The following RBFOX1 variants were observed in gnomAD, a reference collection of about 807,000 sequenced individuals.
RBFOX1 encodes the protein RNA binding fox-1 homolog 1.
A neutral mutation model predicts 57.7 loss-of-function variants in RBFOX1; 8 were observed. The observed-to-expected ratio is 0.14, with a 90% confidence interval of 0.08 to 0.25. RBFOX1 has a LOEUF of 0.25. RBFOX1 is among the 10% of genes least tolerant of loss of function. RBFOX1 has a pLI of 1.00. For missense variants in RBFOX1, 611 were observed against 548.5 expected (o/e 1.11, Z -1.14); for synonymous variants, 326 against 222.4 (o/e 1.47, Z -4.15).
chr16:7,512,812 C>G (rs185719173), intron 4 of RBFOX1, among the ~76,000 whole-genome samples: 2 of 152,302 alleles, frequency 1.3e-5, no homozygotes, highest in African/African-American at 4.8e-5. Context: ...GGCTGCTGCC[C>G]CACTCCTTTC....
chr16:6,878,923 A>T (rs1168740080), intron 3 of RBFOX1, among the ~76,000 whole-genome samples: 4 of 152,032 alleles, frequency 2.6e-5, no homozygotes, highest in African/African-American at 9.7e-5. Flanking sequence ...AAAGGGTAGG[A>T]TTTTTTTTCC....
chr16:6,943,382 TAGAC>T (rs1263208850), intron 3 of RBFOX1, among the ~76,000 whole-genome samples: 5 of 152,156 alleles, frequency 3.3e-5, no homozygotes, highest in Admixed American at 2.0e-4. Flanking sequence ...GCTAGCTTAA[TAGAC>T]AGACAAGACT....
intron 4 of RBFOX1, among the ~76,000 whole-genome samples, chr16:5,894,002 C>T (rs539612523): frequency 8.5e-4 from 130 of 152,164 alleles, no homozygotes; most frequent in Admixed American, 1.6e-3. Context: ...GGAATCAAGG[C>T]TGAAAGCTGG....
intron 7 of RBFOX1, among the ~76,000 whole-genome samples, chr16:7,589,911 G>GC (rs2094346249): frequency 1.7e-5 from 2 of 119,766 alleles, no homozygotes; most frequent in East Asian, 2.3e-4. Flanking sequence ...TGTGTGTGCT[G>GC]GGTGTGTGTG....
chr16:7,500,750 C>G (rs1371658244), intron 4 of RBFOX1, among the ~76,000 whole-genome samples: 2 of 152,176 alleles, frequency 1.3e-5, no homozygotes, highest in Middle Eastern at 3.2e-3. Context: ...TTTAAATGCT[C>G]CCAATAACCT....
intron 3 of RBFOX1, among the ~76,000 whole-genome samples, chr16:6,819,775 A>G (rs1447180840): frequency 6.6e-6 from 1 of 150,968 alleles, no homozygotes; most frequent in Non-Finnish European, 1.5e-5. Context: ...ATTAAAATCT[A>G]TTTCAAAGAA....
At chr16:6,285,932 C>G (rs969773166) in intron 1 of RBFOX1, among the ~76,000 whole-genome samples, 1 of 152,274 alleles carries the variant, frequency 6.6e-6, no homozygotes, top group Middle Eastern at 3.4e-3. Context: ...ATTGAGGCTT[C>G]TTGTGTAAAA....
chr16:7,090,750 A>G (rs1000709438), intron 4 of RBFOX1, among the ~76,000 whole-genome samples: 2 of 152,184 alleles, frequency 1.3e-5, no homozygotes, highest in African/African-American at 4.8e-5. Flanking sequence ...AAACTTGGCC[A>G]CGGTAGGAGG....
At chr16:6,488,653 A>G (rs2095558576) in intron 2 of RBFOX1, among the ~76,000 whole-genome samples, 1 of 152,202 alleles carries the variant, frequency 6.6e-6, no homozygotes, top group African/African-American at 2.4e-5. Flanking sequence ...AGAATTTAGC[A>G]TTTAGAATCT....
At chr16:7,217,359 G>A (rs1603295881) in intron 4 of RBFOX1, among the ~76,000 whole-genome samples, 1 of 129,038 alleles carries the variant, frequency 7.7e-6, no homozygotes, top group African/African-American at 3.0e-5. Context: ...TTGAACTCCT[G>A]ACCTTAGGTG....
Position 5,322,701 on chromosome 16 carries a change from C to T in RBFOX1, c.219+82596C>T, listed in dbSNP as rs1236105190. The stretch of plus-strand genomic sequence containing the variant: ...TTCCTATGACACCTCCCCCAGTAAT[C>T]TCCTTATGAGTCATGCGACTTCTAA... On this transcript the variant is annotated intron_variant, in intron 1 of 2. Transcript: ENST00000585867. Among the ~76,000 whole-genome samples, 3 of 152,304 alleles carry T rather than the reference C, an allele frequency of 2.0e-5. No individual in the cohort carries two copies. In the East Asian group the frequency reaches 5.8e-4, roughly 29 times the overall value.
chr16:5,249,392 G>A (rs901599189), intron 1 of RBFOX1, among the ~76,000 whole-genome samples: 1 of 152,214 alleles, frequency 6.6e-6, no homozygotes, highest in Non-Finnish European at 1.5e-5. Context: ...AGTCTCTGGG[G>A]AGGAAGACTC....
At position 7,291,234 on chromosome 16, in the gene RBFOX1, C is replaced by A. The variant is rs575248128; in HGVS notation, c.28-226913C>A. Among the ~76,000 whole-genome samples the A allele has an allele frequency of 4.5e-4, 69 of 152,260 alleles. No individual in the cohort carries two copies. The South Asian group carries it at 0.014, about 31-fold the overall frequency. On this transcript the variant is annotated intron_variant, in intron 4 of 15. Transcript: ENST00000550418. Reference sequence around the variant, plus strand: ...GCATTCAATACTGTGCCCTAACCAGCTGAAGGGGTCATTGATGCCCTTTGA... The same window carrying A: ...GCATTCAATACTGTGCCCTAACCAGATGAAGGGGTCATTGATGCCCTTTGA...
At chr16:7,684,616 A>T (rs2075657698) in intron 14 of RBFOX1, among the ~76,000 whole-genome samples, 1 of 109,034 alleles carries the variant, frequency 9.2e-6, no homozygotes, top group African/African-American at 3.0e-5. Flanking sequence ...GGGGACCTGG[A>T]ATTTAAAGAA....
At chr16:7,479,500 G>C (rs2063449362) in intron 4 of RBFOX1, among the ~76,000 whole-genome samples, 1 of 152,126 alleles carries the variant, frequency 6.6e-6, no homozygotes, top group African/African-American at 2.4e-5. Flanking sequence ...GACACCTGAA[G>C]TCCCTTGAGC....
intron 1 of RBFOX1, among the ~76,000 whole-genome samples, chr16:6,149,905 G>A (rs916421726): frequency 6.6e-6 from 1 of 152,192 alleles, no homozygotes; most frequent in Non-Finnish European, 1.5e-5. Context: ...CTGATTATGT[G>A]CACTGAACAA....
At chr16:5,659,986 A>C (rs2049591967) in intron 3 of RBFOX1, among the ~76,000 whole-genome samples, 1 of 152,200 alleles carries the variant, frequency 6.6e-6, no homozygotes, top group Non-Finnish European at 1.5e-5. Flanking sequence ...AGTATTATCG[A>C]TATATTTTAT....
intron 4 of RBFOX1, among the ~76,000 whole-genome samples, chr16:7,394,271 A>G (rs934563672): frequency 2.0e-5 from 3 of 150,316 alleles, no homozygotes; most frequent in Admixed American, 6.6e-5. Context: ...AAAAGAGAGA[A>G]AGAAATAAAA....
chr16:6,954,701 C>A (rs1188166495), intron 3 of RBFOX1, among the ~76,000 whole-genome samples: 1 of 151,968 alleles, frequency 6.6e-6, no homozygotes, highest in Non-Finnish European at 1.5e-5. Flanking sequence ...AGTGCAGGTG[C>A]CCAAGTCTAG....
Sources: gnomAD v4.1 joint callset for allele counts (sites outside exome capture counted in the v4.1 genomes callset) on GRCh38, gnomAD v4.1.1 for gene constraint, MANE v1.5 for transcripts, NCBI Gene and HGNC (gene_info 2026-07-23, HGNC 2026-07-21) for gene names.